SBF2: variants seen among roughly 807,000 people sequenced by gnomAD.
SBF2 encodes the protein myotubularin-related protein 13.
SBF2 carries 112 observed loss-of-function variants against 225.2 expected under a neutral mutation model. The ratio of observed to expected loss-of-function variants is 0.50; its 90% CI spans 0.43 to 0.58. The LOEUF (loss-of-function observed/expected upper bound fraction) is 0.58, where lower values mean the gene tolerates loss of function less well. Ranked by LOEUF, SBF2 falls within the 20% of genes least tolerant of loss-of-function variation. The pLI is 0.00. For missense variants in SBF2, 1,996 were observed against 2,206.2 expected (o/e 0.90, Z 1.91); for synonymous variants, 763 against 773.3 (o/e 0.99, Z 0.22).
At chr11:10,213,598 A>T (rs897330351) in intron 1 of SBF2, among the ~76,000 whole-genome samples, 1 of 152,178 alleles carries the variant, frequency 6.6e-6, no homozygotes. Context: ...GTCTTTCATC[A>T]TGAAGTTAGC....
chr11:9,920,182 ATGTGTGTGTGTG>A (rs137939953), intron 16 of SBF2, among the ~76,000 whole-genome samples: 1 of 147,100 alleles, frequency 6.8e-6, no homozygotes, highest in South Asian at 2.2e-4. Context: ...CAAATACTAT[ATGTGTGTGTGTG>A]TGTGTGTGTG....
intron 2 of SBF2, among the ~76,000 whole-genome samples, chr11:10,101,659 C>CTGTGTGTGTGTGTGTGTGTGTG (rs144213559): frequency 2.7e-5 from 4 of 148,158 alleles, no homozygotes; most frequent in African/African-American, 1.0e-4. Context: ...CTCTCTCGCT[C>CTGTGTGTGTGTGTGTGTGTGTG]TGTGTGTGTG....
intron 1 of SBF2, among the ~76,000 whole-genome samples, chr11:10,281,038 C>T (rs377069232): frequency 3.3e-5 from 5 of 152,250 alleles, no homozygotes; most frequent in East Asian, 1.9e-4. Flanking sequence ...TTTCTGATCT[C>T]GCCTTCTTCT....
intron 9 of SBF2, among the ~76,000 whole-genome samples, chr11:9,994,303 T>A (rs1449918496): frequency 6.6e-6 from 1 of 151,088 alleles, no homozygotes; most frequent in Non-Finnish European, 1.5e-5. Context: ...TGAAACCCCA[T>A]CTCTACTAAA....
At chr11:10,121,539 G>T (rs1362330823) in intron 2 of SBF2, among the ~76,000 whole-genome samples, 14 of 152,240 alleles carry the variant, frequency 9.2e-5, no homozygotes, top group Admixed American at 9.2e-4. Context: ...CTACAAGGCA[G>T]AGGTATGCAG....
intron 1 of SBF2, among the ~76,000 whole-genome samples, chr11:10,286,166 G>GCGCGCGCACA (rs373771420): frequency 3.4e-5 from 5 of 147,238 alleles, no homozygotes; most frequent in African/African-American, 1.3e-4. Flanking sequence ...ACACGCACAC[G>GCGCGCGCACA]CACACACACA....
chr11:10,214,592 C>CAG (rs1300717677), intron 1 of SBF2, among the ~76,000 whole-genome samples: 3 of 152,184 alleles, frequency 2.0e-5, no homozygotes, highest in Admixed American at 2.0e-4. Flanking sequence ...CACTGCACTC[C>CAG]AGCCTGGGCG....
intron 13 of SBF2, among the ~76,000 whole-genome samples, chr11:9,988,598 G>A (rs1440890687): frequency 6.6e-6 from 1 of 152,130 alleles, no homozygotes; most frequent in African/African-American, 2.4e-5. Flanking sequence ...CTAAGGACAC[G>A]AATAGACAAT....
chr11:10,292,901 A>G (rs1056235866), intron 1 of SBF2, among the ~76,000 whole-genome samples: 12 of 152,188 alleles, frequency 7.9e-5, no homozygotes, highest in African/African-American at 2.9e-4. Flanking sequence ...TGACTGGTGA[A>G]AGAGAAAAGA....
chr11:10,008,311 C>T (rs1948289920), intron 6 of SBF2, among the ~76,000 whole-genome samples: 1 of 152,136 alleles, frequency 6.6e-6, no homozygotes, highest in African/African-American at 2.4e-5. Context: ...CTAACCTAGA[C>T]CCAGAGACAT....
chr11:9,837,487 A>G (rs1855803863), intron 26 of SBF2, among the ~76,000 whole-genome samples: 1 of 152,232 alleles, frequency 6.6e-6, no homozygotes, highest in African/African-American at 2.4e-5. Flanking sequence ...AATTACACTG[A>G]CTGATTTTCA....
intron 32 of SBF2, among the ~76,000 whole-genome samples, chr11:9,796,661 G>A (rs1047635567): frequency 3.3e-5 from 5 of 152,176 alleles, no homozygotes; most frequent in African/African-American, 1.2e-4. Flanking sequence ...AAGAATGAAT[G>A]AGGCTCGGGC....
At chr11:10,163,958 T>C (rs1955852187) in intron 2 of SBF2, among the ~76,000 whole-genome samples, 1 of 152,186 alleles carries the variant, frequency 6.6e-6, no homozygotes, top group African/African-American at 2.4e-5. Context: ...CTTAAGTTCA[T>C]TTAGAGAGTC....
Position 9,835,431 on chromosome 11 carries a change from C to A in SBF2, c.3456-3011G>T, listed in dbSNP as rs919759524. ...CCTAGGAGTTTGAGACCAGCCTGGG[C>A]AACATAGTGAGACCTCTTCTCTACA... On this transcript the variant is annotated intron_variant, in intron 26 of 39. Transcript: ENST00000256190. 2.0e-5 allele frequency among the ~76,000 whole-genome samples: 3 copies of A among 151,846 alleles called. No individual in the cohort carries two copies. In the South Asian group the frequency reaches 6.2e-4, roughly 32 times the overall value.
In SBF2 at chr11:9,998,311, G is replaced by A. The variant is rs1565112720; in HGVS notation, c.930C>T (p.Ser310=). Reference sequence around the variant, plus strand: ...TCTGATGTAGAAGTGGTTCTGGGAGGGAAGAGAGGTGAATACATTCGGGAA... The same window carrying A: ...TCTGATGTAGAAGTGGTTCTGGGAGAGAAGAGAGGTGAATACATTCGGGAA... ...IKIPECIHLS[S]LPEPLLHQTQ... is the part of the protein sequence containing the mutation. The change falls in exon 9 of 40, where the codon TCC becomes TCT. Residue 310 remains serine (S), a synonymous_variant. Coordinates refer to ENST00000256190, the MANE Select transcript of SBF2 (RefSeq NM_030962.4). The A allele has an allele frequency of 1.2e-6, 2 of 1,609,240 alleles. No homozygotes were observed. Among genetic ancestry groups the A allele is most frequent in the Non-Finnish European group, 8.5e-7 (1 of 1,175,806 alleles).
chr11:10,231,263 C>T (rs1322784545), intron 1 of SBF2, among the ~76,000 whole-genome samples: 1 of 152,150 alleles, frequency 6.6e-6, no homozygotes, highest in Non-Finnish European at 1.5e-5. Context: ...CGAACTTTCT[C>T]CTCTACCTCG....
At chr11:10,213,737 G>C (rs1031060675) in intron 1 of SBF2, among the ~76,000 whole-genome samples, 1 of 152,114 alleles carries the variant, frequency 6.6e-6, no homozygotes, top group African/African-American at 2.4e-5. Context: ...TCACTCAAAG[G>C]AAGAAGGGTT....
At chr11:9,835,591 C>T (rs1855680763) in intron 26 of SBF2, among the ~76,000 whole-genome samples, 1 of 139,638 alleles carries the variant, frequency 7.2e-6, no homozygotes, top group Admixed American at 7.7e-5. Flanking sequence ...GGAATCACAT[C>T]ACTGCACTCC....
chr11:10,032,795 C>G (rs1949307664), intron 3 of SBF2, among the ~76,000 whole-genome samples: 1 of 152,162 alleles, frequency 6.6e-6, no homozygotes, highest in South Asian at 2.1e-4. Flanking sequence ...AGGGCTAGGC[C>G]CATAGCTGAT....
Sources: allele counts gnomAD v4.1 joint callset (sites outside exome capture counted in the v4.1 genomes callset), GRCh38; gene constraint gnomAD v4.1.1; transcripts MANE v1.5; gene names NCBI Gene and HGNC (gene_info 2026-07-23, HGNC 2026-07-21).